ZNG1E: variants seen among roughly 807,000 people sequenced by gnomAD.
ZNG1E encodes the protein Zn regulated GTPase metalloprotein activator 1E.
At chr9:65,675,664 G>A in the ZNG1E span, 1 of 539,806 alleles carries the variant, frequency 1.9e-6, no homozygotes, top group Non-Finnish European at 3.2e-6. Flanking sequence ...AAGGCTCTAG[G>A]CGCCAGTGAC....
the ZNG1E span, among the ~76,000 whole-genome samples, chr9:65,710,671 GC>G: frequency 7.5e-3 from 1,132 of 151,242 alleles, no homozygotes; most frequent in African/African-American, 0.026. Flanking sequence ...TTGTAGATAT[GC>G]GGCGTTATTT....
the ZNG1E span, among the ~76,000 whole-genome samples, chr9:65,666,974 T>C: frequency 1.3e-5 from 2 of 151,574 alleles, no homozygotes; most frequent in Admixed American, 6.6e-5. Flanking sequence ...GAGTGTGCTA[T>C]CACACTCGGC....
chr9:65,662,980 T>C, the ZNG1E span, among the ~76,000 whole-genome samples: 16 of 152,236 alleles, frequency 1.1e-4, no homozygotes, highest in African/African-American at 3.9e-4. Flanking sequence ...ATTCTGGTTA[T>C]TACTCTGCTC....
At chr9:65,685,331 C>T in the ZNG1E span, among the ~76,000 whole-genome samples, 2 of 152,254 alleles carry the variant, frequency 1.3e-5, no homozygotes, top group African/African-American at 4.8e-5. Context: ...AGTTGACTCT[C>T]CCTTTCATAA....
chr9:65,709,405 G>T, the ZNG1E span, among the ~76,000 whole-genome samples: 1 of 147,654 alleles, frequency 6.8e-6, no homozygotes, highest in Admixed American at 6.7e-5. Context: ...ACAATGTGCA[G>T]GTTAGTTACA....
chr9:65,681,010 G>T, the ZNG1E span, among the ~76,000 whole-genome samples: 3 of 152,124 alleles, frequency 2.0e-5, no homozygotes, highest in Non-Finnish European at 1.5e-5. Context: ...GGGTGGTCTC[G>T]ATCTCCTGAC....
chr9:65,709,400 G>A, the ZNG1E span, among the ~76,000 whole-genome samples: 2 of 147,838 alleles, frequency 1.4e-5, no homozygotes, highest in Non-Finnish European at 3.0e-5. Context: ...TGTGCACAAT[G>A]TGCAGGTTAG....
chr9:65,681,245 A>G, the ZNG1E span, among the ~76,000 whole-genome samples: 4 of 152,108 alleles, frequency 2.6e-5, no homozygotes, highest in Non-Finnish European at 4.4e-5. Flanking sequence ...TATAAAACAT[A>G]CTAGTCGATT....
chr9:65,720,972 TAAAAA>T, the ZNG1E span, among the ~76,000 whole-genome samples: 3 of 138,858 alleles, frequency 2.2e-5, no homozygotes, highest in South Asian at 2.3e-4. Flanking sequence ...GAATTTATGG[TAAAAA>T]AAAAAAAAAA....
chr9:65,685,239 T>A, the ZNG1E span, among the ~76,000 whole-genome samples: 1 of 152,270 alleles, frequency 6.6e-6, no homozygotes, highest in Non-Finnish European at 1.5e-5. Context: ...TGTTGATGGG[T>A]GCTGACCAAT....
At chr9:65,665,520 A>T in the ZNG1E span, among the ~76,000 whole-genome samples, 2 of 152,112 alleles carry the variant, frequency 1.3e-5, no homozygotes, top group Non-Finnish European at 2.9e-5. Flanking sequence ...CTCATGGAGA[A>T]CCTCTGCTAG....
At chr9:65,714,373 G>A in the ZNG1E span, among the ~76,000 whole-genome samples, 15 of 151,678 alleles carry the variant, frequency 9.9e-5, no homozygotes, top group African/African-American at 1.9e-4. Flanking sequence ...GTCATTCTCC[G>A]TCCAGCTTTG....
the ZNG1E span, among the ~76,000 whole-genome samples, chr9:65,667,163 T>G: frequency 6.6e-6 from 1 of 152,364 alleles, no homozygotes; most frequent in East Asian, 1.9e-4. Context: ...TAAGCTATAC[T>G]TTAGGCACAA....
chr9:65,662,707 T>C, the ZNG1E span, among the ~76,000 whole-genome samples: 1 of 152,066 alleles, frequency 6.6e-6, no homozygotes, highest in African/African-American at 2.4e-5. Context: ...GAGAAGTTCT[T>C]ACATGAAGTA....
chr9:65,671,906 C>A, the ZNG1E span, among the ~76,000 whole-genome samples: 1 of 141,270 alleles, frequency 7.1e-6, no homozygotes, highest in Non-Finnish European at 1.5e-5. Context: ...ATTCAAATTT[C>A]AAACTTGTAG....
the ZNG1E span, among the ~76,000 whole-genome samples, chr9:65,666,238 C>T: frequency 1.1e-4 from 17 of 150,528 alleles, 1 homozygote; most frequent in Non-Finnish European, 2.1e-4. Flanking sequence ...GGGAGGGACC[C>T]GGTGGGAGGT....
chr9:65,660,306 TA>T, the ZNG1E span, among the ~76,000 whole-genome samples: 1 of 48,070 alleles, frequency 2.1e-5, no homozygotes, highest in African/African-American at 1.6e-4. Context: ...TTAATGATAA[TA>T]TATATGGTAT....
At chr9:65,659,555 T>C in the ZNG1E span, among the ~76,000 whole-genome samples, 2 of 151,086 alleles carry the variant, frequency 1.3e-5, no homozygotes, top group Non-Finnish European at 2.9e-5. Flanking sequence ...TCAACTTCAC[T>C]GTGTCAGAGG....
chr9:65,707,431 TTTGC>T, the ZNG1E span: 1 of 64,684 alleles, frequency 1.5e-5, no homozygotes, highest in Non-Finnish European at 3.0e-5. Flanking sequence ...CATTTGCTTC[TTTGC>T]TTGATCATTT....
Sources: gnomAD v4.1 joint callset for allele counts (sites outside exome capture counted in the v4.1 genomes callset) on GRCh38, gnomAD v4.1.1 for gene constraint, MANE v1.5 for transcripts, NCBI Gene and HGNC (gene_info 2026-07-23, HGNC 2026-07-21) for gene names.